Variants in ZNF469 observed in about 807,000 individuals in gnomAD.
ZNF469 encodes the protein zinc finger protein 469.
ZNF469 carries 1 observed loss-of-function variant against 1.0 expected under a neutral mutation model. The observed-to-expected ratio is 1.00, with a 90% CI of 0.35 to 4.73. ZNF469 has a LOEUF of 4.73. Among genes scored for constraint, ZNF469 ranks in the 30% most tolerant of loss-of-function variants. ZNF469 has a pLI of 0.16. For missense variants in ZNF469, 6,100 were observed against 5,356.3 expected, an observed-to-expected ratio of 1.14 and a Z score of -4.33; for synonymous variants, 2,703 against 2,363.4, an observed-to-expected ratio of 1.14 and a Z score of -4.17.
Position 88,434,924 on chromosome 16 carries a change from C to G in ZNF469, c.7454C>G (p.Pro2485Arg). The G allele has an allele frequency of 2.6e-6, 4 of 1,550,170 alleles. No individual in the cohort carries two copies. The highest frequency in any genetic ancestry group is 3.5e-6 in the Non-Finnish European group (4 of 1,146,976). The part of the protein sequence containing the change: ...EVCAASFRSG[P>R]GLSRHKARKH... ...TGCGCAGCCTCCTTCCGCTCCGGGC[C>G]GGGCCTGAGCCGGCACAAGGCCAGG... The change falls in exon 3 of 3, where the codon CCG (proline) becomes CGG (arginine). Residue 2485 changes from proline to arginine, a missense_variant. By Grantham distance (103) the Pro-to-Arg change is moderately radical. Coordinates refer to ENST00000565624, the MANE Select transcript of ZNF469 (RefSeq NM_001367624.2).
At chr16:88,334,634 G>T in the ZNF469 span, among the ~76,000 whole-genome samples, 1 of 152,252 alleles carries the variant, frequency 6.6e-6, no homozygotes, top group Non-Finnish European at 1.5e-5. Context: ...TGGAGCCGAT[G>T]ACTGTGGCCT....
At chr16:88,308,664 C>T in the ZNF469 span, among the ~76,000 whole-genome samples, 3 of 152,182 alleles carry the variant, frequency 2.0e-5, no homozygotes, top group Admixed American at 1.3e-4. Flanking sequence ...ACAGACTGGG[C>T]ATGGTGAGGG....
At chr16:88,280,129 C>T in the ZNF469 span, among the ~76,000 whole-genome samples, 50 of 151,674 alleles carry the variant, frequency 3.3e-4, 3 homozygotes, top group African/African-American at 1.1e-3. Context: ...GCCATGCTGA[C>T]GCTCGGTCAG....
chr16:88,435,048 C>G lies in ZNF469; in HGVS notation c.7578C>G (p.Pro2526=). ...LEPLAQKCQP[P]RKKSHRVSGK... ...CCCTAGCCCAAAAGTGCCAGCCGCC[C>G]AGGAAGAAAAGCCACAGGGTGTCTG... is the stretch of plus-strand genomic sequence containing the variant. The change falls in exon 3 of 3, where the codon CCC becomes CCG. Residue 2526 remains proline (P), a synonymous_variant. Transcript: ENST00000565624. 1 of 1,550,386 alleles carries G rather than the reference C, an allele frequency of 6.5e-7. No individual in the cohort carries two copies. The highest frequency in any genetic ancestry group is 8.7e-7 in the Non-Finnish European group (1 of 1,146,990).
At chr16:88,314,359 CTG>C in the ZNF469 span, among the ~76,000 whole-genome samples, 1 of 142,976 alleles carries the variant, frequency 7.0e-6, no homozygotes, top group African/African-American at 2.6e-5. Flanking sequence ...TGGGCTGTCT[CTG>C]TAATTAAGAT....
chr16:88,107,132 G>A, the ZNF469 span, among the ~76,000 whole-genome samples: 2 of 140,910 alleles, frequency 1.4e-5, no homozygotes, highest in East Asian at 4.3e-4. Context: ...CTTCAGACAG[G>A]CTGACTCTGG....
At chr16:88,250,351 G>A in the ZNF469 span, among the ~76,000 whole-genome samples, 1 of 152,244 alleles carries the variant, frequency 6.6e-6, no homozygotes, top group Non-Finnish European at 1.5e-5. Flanking sequence ...TATATTTTTT[G>A]TGAAGAGTTA....
At position 88,402,115 on chromosome 16, in the gene ZNF469, G is replaced by T. The variant is rs1272873301; in HGVS notation, c.-192+18861G>T. On this transcript the variant is annotated intron_variant, in intron 1 of 2. Coordinates refer to ENST00000565624, the MANE Select transcript of ZNF469 (RefSeq NM_001367624.2). ...GGTGGGTGGATGGATGGATACATGG[G>T]TGGATGGGTAGATGGATGGGTGAAT... Among the ~76,000 whole-genome samples, 5 of 151,766 alleles carry T rather than the reference G, an allele frequency of 3.3e-5. No homozygotes were observed. In the East Asian group the frequency reaches 5.8e-4, roughly 18 times the overall value.
chr16:88,331,185 G>C, the ZNF469 span, among the ~76,000 whole-genome samples: 6 of 98,844 alleles, frequency 6.1e-5, no homozygotes, highest in African/African-American at 1.3e-4. Context: ...CATCACCACC[G>C]TCGTCACCAT....
At chr16:88,374,040 G>C in the ZNF469 span, among the ~76,000 whole-genome samples, 2 of 151,886 alleles carry the variant, frequency 1.3e-5, no homozygotes, top group Non-Finnish European at 2.9e-5. Context: ...TCAGAGATAT[G>C]AGCCATTCCA....
rs980269238 is a variant in ZNF469, at chr16:88,430,716, C to G, written c.3246C>G (p.Pro1082=). ...CGSLAAGRPR[P]GAEDRRLREY... ...CCCTGGCGGCGGGGAGGCCCCGGCC[C>G]GGAGCTGAGGACCGCAGGCTCCGCG... Residue 1082 remains proline, a synonymous_variant, in exon 3 of 3, where the codon CCC becomes CCG. Coordinates refer to ENST00000565624, the MANE Select transcript of ZNF469 (RefSeq NM_001367624.2). The G allele has an allele frequency of 8.1e-6, 12 of 1,487,530 alleles. No homozygotes were observed. The highest frequency in any genetic ancestry group is 1.5e-5 in the African/African-American group (1 of 68,644). 92.1% of individuals were successfully genotyped at this position (1,487,530 alleles called of 1,614,324 possible).
chr16:88,101,614 G>T, the ZNF469 span, among the ~76,000 whole-genome samples: 1 of 151,936 alleles, frequency 6.6e-6, no homozygotes, highest in East Asian at 1.9e-4. Context: ...GGCCACCCAG[G>T]GGCAGGACGA....
chr16:88,129,990 A>G, the ZNF469 span, among the ~76,000 whole-genome samples: 486 of 152,298 alleles, frequency 3.2e-3, 3 homozygotes, highest in Middle Eastern at 0.014. Flanking sequence ...CTTGCTTGTG[A>G]TCAAGTCCTG....
chr16:88,437,448 C>T lies in ZNF469; in HGVS notation c.9978C>T (p.Thr3326=). ...GCGGGGAGCCCCTCCTGCAAGCCACCCCGGTGCACGAGGCCTGCAAGGACC... is the reference window on the plus strand; with the variant it reads ...GCGGGGAGCCCCTCCTGCAAGCCACTCCGGTGCACGAGGCCTGCAAGGACC... ...WAGGEPLLQA[T]PVHEACKDPS... The change falls in exon 3 of 3, where the codon ACC becomes ACT. Residue 3326 remains threonine, a synonymous_variant. Transcript: ENST00000565624. 2 of 1,527,148 alleles carry T rather than the reference C, an allele frequency of 1.3e-6. No individual in the cohort carries two copies. Among genetic ancestry groups the T allele is most frequent in the Non-Finnish European group, 1.8e-6 (2 of 1,133,090 alleles). The allele number at this position is 1,527,148 out of a possible 1,614,324, so 94.6% of individuals were successfully genotyped here.
chr16:88,334,929 G>A, the ZNF469 span, among the ~76,000 whole-genome samples: 1 of 151,900 alleles, frequency 6.6e-6, no homozygotes, highest in Non-Finnish European at 1.5e-5. Context: ...TGGGAGCCGT[G>A]AAGGAAGATG....
chr16:88,335,076 A>G, the ZNF469 span, among the ~76,000 whole-genome samples: 143 of 152,348 alleles, frequency 9.4e-4, 1 homozygote, highest in African/African-American at 3.3e-3. Context: ...GGGAGGACCC[A>G]CCAGAGCCTT....
rs551160595 is a variant in ZNF469, at chr16:88,437,799, G to A, written c.10329G>A (p.Gly3443=). ...GCCACATGAACAAGCACCTCAGGGGGGGGCGGCAGCCCTTCGCGTTCCGCG... is the reference window on the plus strand; with the variant it reads ...GCCACATGAACAAGCACCTCAGGGGAGGGCGGCAGCCCTTCGCGTTCCGCG... ...FDRHMNKHLR[G]GRQPFAFRGV... The change falls in exon 3 of 3, where the codon GGG becomes GGA. Residue 3443 remains glycine, a synonymous_variant. Transcript: ENST00000565624. The A allele has an allele frequency of 6.5e-7, 1 of 1,545,660 alleles. No individual in the cohort carries two copies. Among genetic ancestry groups the A allele is most frequent in the Non-Finnish European group, 8.7e-7 (1 of 1,143,430 alleles).
chr16:88,291,864 G>A, the ZNF469 span, among the ~76,000 whole-genome samples: 1 of 152,100 alleles, frequency 6.6e-6, no homozygotes. Flanking sequence ...GTCCTCCCTG[G>A]CGAGCTGATG....
At chr16:88,369,971 CATTGTT>C in the ZNF469 span, among the ~76,000 whole-genome samples, 1 of 152,218 alleles carries the variant, frequency 6.6e-6, no homozygotes, top group African/African-American at 2.4e-5. Flanking sequence ...CTTTTAATTG[CATTGTT>C]TTCCTGTTTC....
Sources: allele counts gnomAD v4.1 joint callset (sites outside exome capture counted in the v4.1 genomes callset), GRCh38; gene constraint gnomAD v4.1.1; transcripts MANE v1.5; gene names NCBI Gene and HGNC (gene_info 2026-07-23, HGNC 2026-07-21).